The following KLF7 variants were observed in gnomAD, a reference collection of about 807,000 sequenced individuals.
The protein encoded by KLF7 is Krueppel-like factor 7.
In KLF7, 2 loss-of-function variants were observed where a neutral mutation model predicts 27.3. That is an observed-to-expected ratio of 0.07 (90% CI 0.03 to 0.23). KLF7 has a LOEUF of 0.23. Ranked by LOEUF, KLF7 falls within the 10% of genes least tolerant of loss-of-function variation. The pLI, the probability that KLF7 is intolerant of heterozygous loss-of-function variation, is 1.00. For synonymous variants in KLF7, 165 were observed against 162.4 expected, an observed-to-expected ratio of 1.02 and a Z score of -0.12; for missense variants, 221 against 394.1, an observed-to-expected ratio of 0.56 and a Z score of 3.72.
chr2:207,088,613 C>T, intron 2 of KLF7, 32 bp from the exon 3 acceptor site: 1 of 1,606,668 alleles, frequency 6.2e-7, no homozygotes. Context: ...CCGTGGTCAG[C>T]AGCAGGAACA....
intron 1 of KLF7, among the ~76,000 whole-genome samples, chr2:207,148,444 C>T (rs1335260096): frequency 6.6e-6 from 1 of 152,030 alleles, no homozygotes; most frequent in South Asian, 2.1e-4. Context: ...TTCCCATGGT[C>T]ATTCTACATG....
intron 2 of KLF7, among the ~76,000 whole-genome samples, chr2:207,118,790 G>A (rs1473267690): frequency 2.0e-5 from 3 of 152,170 alleles, no homozygotes; most frequent in Non-Finnish European, 4.4e-5. Context: ...TGTATTTGTT[G>A]AATAAGTAAA....
Position 207,081,133 on chromosome 2 carries a change from G to T in KLF7, c.*80C>A. ...TTCTTCTGCGAGGCAATGGGTCCCC[G>T]CCTGAAGTCCAGCCCCCTGCCTCAT... On this transcript the variant is annotated 3_prime_UTR_variant, in exon 4 of 4. Coordinates refer to ENST00000309446, the MANE Select transcript of KLF7 (RefSeq NM_003709.4). 1 of 1,255,610 alleles carries T rather than the reference G, an allele frequency of 8.0e-7. No homozygotes were observed. Among genetic ancestry groups the T allele is most frequent in the Non-Finnish European group, 1.2e-6 (1 of 854,314 alleles). 77.8% of individuals were successfully genotyped at this position (1,255,610 alleles called of 1,614,324 possible).
chr2:207,116,365 T>C (rs1464345677), intron 2 of KLF7, among the ~76,000 whole-genome samples: 1 of 152,232 alleles, frequency 6.6e-6, no homozygotes, highest in Admixed American at 6.5e-5. Context: ...TATATTTTAA[T>C]TTTTTTAAAA....
chr2:207,165,177 C>G (rs184275904), intron 1 of KLF7, among the ~76,000 whole-genome samples: 1 of 152,208 alleles, frequency 6.6e-6, no homozygotes, highest in African/African-American at 2.4e-5. Context: ...CGGCAGGTCT[C>G]TGATAGGGGA....
rs2284930 is a variant in KLF7 at position 207,148,127 on chromosome 2, A to T, written c.102+17340T>A. On this transcript the variant is annotated intron_variant, in intron 1 of 3. Coordinates refer to ENST00000309446, the MANE Select transcript of KLF7 (RefSeq NM_003709.4). ...TCATGATCTCAAGCATTTTATGGCA[A>T]CACTTCCCTGTAAATCAAATTGGTG... Among the ~76,000 whole-genome samples, 426 of 152,360 alleles carry T rather than the reference A, an allele frequency of 2.8e-3. 10 individuals carry two copies. In the East Asian group the frequency reaches 0.062, roughly 22 times the overall value.
intron 1 of KLF7, chr2:207,134,285 C>G (rs1264660383): frequency 6.7e-6 from 4 of 599,914 alleles, no homozygotes; most frequent in Non-Finnish European, 1.1e-5. Flanking sequence ...CAGACACATA[C>G]GATTACTTCT....
At chr2:207,113,759 C>T (rs1356907941) in intron 2 of KLF7, among the ~76,000 whole-genome samples, 5 of 152,128 alleles carry the variant, frequency 3.3e-5, no homozygotes, top group Admixed American at 3.3e-4. Flanking sequence ...ACAAGATGTA[C>T]AAGTCTGTCT....
chr2:207,094,224 T>C (rs2076576111), intron 2 of KLF7, among the ~76,000 whole-genome samples: 2 of 152,204 alleles, frequency 1.3e-5, no homozygotes, highest in South Asian at 4.1e-4. Flanking sequence ...GAAAATAAAC[T>C]CACTAATACA....
rs955247290 is a variant in KLF7 at position 207,080,993 on chromosome 2, C to T, written c.*220G>A. 9.4e-5 allele frequency: 50 copies of T among 531,906 alleles called. No individual in the cohort carries two copies. The highest frequency in any genetic ancestry group is 1.2e-4 in the Non-Finnish European group (37 of 299,586). 32.9% of individuals were successfully genotyped at this position (531,906 alleles called of 1,614,324 possible). On this transcript the variant is annotated 3_prime_UTR_variant, in exon 4 of 4. Transcript: ENST00000309446. ...GCTAGGGCAAGGCATAAAGAATAGA[C>T]GTATATATTTTAAATATAGTTGAGT...
intron 1 of KLF7, among the ~76,000 whole-genome samples, chr2:207,135,951 G>A (rs1453122653): frequency 3.3e-5 from 5 of 152,182 alleles, no homozygotes; most frequent in African/African-American, 9.7e-5. Context: ...CCTTGCCCTG[G>A]AGAATGCCCT....
intron 1 of KLF7, among the ~76,000 whole-genome samples, chr2:207,150,757 CG>C (rs2078220239): frequency 6.6e-6 from 1 of 152,172 alleles, no homozygotes; most frequent in South Asian, 2.1e-4. Context: ...TTCACCTTCA[CG>C]GATTTTTACC....
chr2:207,108,453 TACAG>T (rs1311508455), intron 2 of KLF7, among the ~76,000 whole-genome samples: 2 of 152,204 alleles, frequency 1.3e-5, no homozygotes, highest in South Asian at 2.1e-4. Context: ...CAAAAATATC[TACAG>T]ACAAACAATC....
chr2:207,127,928 T>C (rs2077525517), intron 1 of KLF7, among the ~76,000 whole-genome samples: 1 of 152,174 alleles, frequency 6.6e-6, no homozygotes, highest in Non-Finnish European at 1.5e-5. Context: ...CATACATACA[T>C]AGAGAAATAA....
intron 2 of KLF7, among the ~76,000 whole-genome samples, chr2:207,093,759 C>A (rs919181886): frequency 1.3e-5 from 2 of 152,192 alleles, no homozygotes; most frequent in Non-Finnish European, 2.9e-5. Context: ...GCAACAAAAA[C>A]CTGAATACAC....
chr2:207,109,469 A>G (rs2076969914), intron 2 of KLF7, among the ~76,000 whole-genome samples: 1 of 152,234 alleles, frequency 6.6e-6, no homozygotes, highest in Non-Finnish European at 1.5e-5. Flanking sequence ...GAAATCTTTG[A>G]AAAATGATTC....
chr2:207,093,372 T>C (rs939300692), intron 2 of KLF7, among the ~76,000 whole-genome samples: 1 of 152,074 alleles, frequency 6.6e-6, no homozygotes, highest in African/African-American at 2.4e-5. Flanking sequence ...TCTCCTACGC[T>C]CCCCTCCCCG....
chr2:207,116,992 AGT>A (rs1469935139), intron 2 of KLF7, among the ~76,000 whole-genome samples: 1 of 152,212 alleles, frequency 6.6e-6, no homozygotes, highest in Non-Finnish European at 1.5e-5. Flanking sequence ...AAGAGGGACT[AGT>A]GTATGTACAG....
intron 1 of KLF7, among the ~76,000 whole-genome samples, chr2:207,149,453 C>T (rs936025310): frequency 7.2e-5 from 11 of 152,322 alleles, no homozygotes; most frequent in African/African-American, 2.2e-4. Flanking sequence ...TGATCCATCC[C>T]GGCTGACTCC....
Sources: gnomAD v4.1 joint callset for allele counts (sites outside exome capture counted in the v4.1 genomes callset) on GRCh38, gnomAD v4.1.1 for gene constraint, MANE v1.5 for transcripts, NCBI Gene and HGNC (gene_info 2026-07-23, HGNC 2026-07-21) for gene names.